The following SOX13 variants were observed in gnomAD, a reference collection of about 807,000 sequenced individuals.
The protein encoded by SOX13 is transcription factor SOX-13.
Under a neutral mutation model 71.8 loss-of-function variants are expected in SOX13, and 28 were observed. That is an observed-to-expected ratio of 0.39 (90% CI 0.29 to 0.53). The LOEUF (loss-of-function observed/expected upper bound fraction) is 0.53, where lower values mean the gene tolerates loss of function less well. Ranked by LOEUF, SOX13 falls within the 20% of genes least tolerant of loss-of-function variation. SOX13 has a pLI of 0.70. For missense variants in SOX13, 627 were observed against 810.3 expected (o/e 0.77, Z 2.75); for synonymous variants, 309 against 317.8 (o/e 0.97, Z 0.29).
At position 204,121,956 on chromosome 1, in the gene SOX13, G is replaced by A. The variant is rs1044321748; in HGVS notation, c.832G>A (p.Gly278Arg). The change falls in exon 8 of 14, where the codon GGG (glycine) becomes AGG (arginine). Residue 278 changes from glycine to arginine, a missense_variant. Physicochemically the swap from Gly to Arg is moderately radical, Grantham distance 125. Around this residue, in one of 3 missense-constraint regions of SOX13, gnomAD observed 447 missense variants for 532.2 expected, o/e 0.84. Transcript: ENST00000367204. ...CCCTGCCCCAGTGGTGAAGAGGCCT[G>A]GGGCCATGGCCACCCACCACCCCCT... is the stretch of plus-strand genomic sequence containing the variant. ...SPPAPVVKRPGAMATHHPLQE... is the reference protein window; with the variant it reads ...SPPAPVVKRPRAMATHHPLQE... 1.2e-6 allele frequency: 2 copies of A among 1,611,278 alleles called. No homozygotes were observed. Among genetic ancestry groups the A allele is most frequent in the African/African-American group, 1.3e-5 (1 of 74,946 alleles).
Position 204,123,975 on chromosome 1 carries a change from TTA to T in SOX13, c.1375+175_1375+176del, listed in dbSNP as rs571281638. Among the ~76,000 whole-genome samples the T allele has an allele frequency of 1.8e-3, 274 of 152,292 alleles. 2 individuals are homozygous for T. Among genetic ancestry groups the T allele is most frequent in the Non-Finnish European group, 3.1e-3 (212 of 68,020 alleles). ...GTGAGGGCAGCTGGGTCCTGGGGTC[TTA>T]TATCACTGAAGTGTTCGGTAGCACC... On this transcript the variant is annotated intron_variant, in intron 12 of 13. Coordinates refer to ENST00000367204, the MANE Select transcript of SOX13 (RefSeq NM_005686.3). This position sits in a 1 kb window ranked among gnomAD's most constrained non-coding sequence, Gnocchi z 5.0.
rs778840964 is a variant in SOX13, at chr1:204,112,901, T to C, written c.-1-14T>C. ...ACTGGGGACTCACCTCAGCTCACTC[T>C]GTCCCTCCCCCAGGATGTCCATGAG... On this transcript the variant is annotated splice_polypyrimidine_tract_variant and intron_variant, in intron 1 of 13. Transcript: ENST00000367204. 3 of 1,609,378 alleles carry C rather than the reference T, an allele frequency of 1.9e-6. No homozygotes were observed. Among genetic ancestry groups the C allele is most frequent in the Non-Finnish European group, 2.5e-6 (3 of 1,176,908 alleles).
In SOX13 at chr1:204,126,514, A is replaced by ATTTTTTATT; in HGVS notation, c.*380_*381insTTTTTTATT. The ATTTTTTATT allele has an allele frequency of 3.9e-6, 1 of 258,818 alleles. No homozygotes were observed. Among genetic ancestry groups the ATTTTTTATT allele is most frequent in the South Asian group, 6.1e-5 (1 of 16,392 alleles). The allele number at this position is 258,818 out of a possible 1,614,324, so 16.0% of individuals were successfully genotyped here. A position where few individuals can be genotyped will look rare whatever the true frequency, so the allele number is the denominator to read the frequency against. On this transcript the variant is annotated 3_prime_UTR_variant, in exon 14 of 14. Coordinates refer to ENST00000367204, the MANE Select transcript of SOX13 (RefSeq NM_005686.3). The stretch of plus-strand genomic sequence containing the variant: ...TTTCCATTCTTGTCCTGGCTGGACC[A>ATTTTTTATT]GCCACTGTGGGACCAACACCCCTCC...
chr1:204,122,235 A>T lies in SOX13; in HGVS notation c.862-2A>T. On this transcript the variant is annotated splice_acceptor_variant, in intron 8 of 13. Transcript: ENST00000367204. LOFTEE classifies it high-confidence loss of function. ...TCCTCTGACCTGCTGGGTCTCCCTC[A>T]GGAGCCCTCCCAGCCCCTGAACCTC... 1 of 1,572,612 alleles carries T rather than the reference A, an allele frequency of 6.4e-7. No individual in the cohort carries two copies. The highest frequency in any genetic ancestry group is 1.4e-5 in the African/African-American group (1 of 73,488).
intron 1 of SOX13, among the ~76,000 whole-genome samples, chr1:204,083,159 T>G (rs1462392469): frequency 2.0e-5 from 3 of 152,006 alleles, no homozygotes; most frequent in African/African-American, 4.8e-5. Flanking sequence ...GTGTGTGTAG[T>G]GGGGAAGGGG....
At chr1:204,116,917 C>G (rs1380075417) in intron 5 of SOX13, among the ~76,000 whole-genome samples, 1 of 152,156 alleles carries the variant, frequency 6.6e-6, no homozygotes, top group Non-Finnish European at 1.5e-5. Context: ...CTTGCAGCTT[C>G]CTGCCCAGCC....
intron 8 of SOX13, 43 bp from the exon 9 acceptor site, chr1:204,122,191 TGTC>T: frequency 6.8e-7 from 1 of 1,472,916 alleles, no homozygotes; most frequent in Non-Finnish European, 9.2e-7. Context: ...GCTGTGGGAG[TGTC>T]CTTTGGTGTC....
Position 204,081,248 on chromosome 1 carries a change from T to C in SOX13, c.-2+7537T>C, listed in dbSNP as rs1189716333. ...TCTTTTTTTTAAAGATCGTGGCTCA[T>C]ATTCGTTTTCTTATTTCTGTAGTCT... On this transcript the variant is annotated intron_variant, in intron 1 of 13. Coordinates refer to ENST00000367204, the MANE Select transcript of SOX13 (RefSeq NM_005686.3). This position sits in a 1 kb window ranked among gnomAD's most constrained non-coding sequence, Gnocchi z 4.3. 6.6e-6 allele frequency among the ~76,000 whole-genome samples: 1 copy of C among 150,812 alleles called. No individual in the cohort carries two copies. Among genetic ancestry groups the C allele is most frequent in the African/African-American group, 2.4e-5 (1 of 41,264 alleles).
intron 1 of SOX13, among the ~76,000 whole-genome samples, chr1:204,085,903 C>G (rs1656007569): frequency 1.3e-5 from 2 of 151,494 alleles, no homozygotes; most frequent in Admixed American, 6.6e-5. Flanking sequence ...TGGTGTGAAC[C>G]CGGGAGGCGG....
At position 204,116,674 on chromosome 1, in the gene SOX13, G is replaced by C. The variant is rs757809525; in HGVS notation, c.586G>C (p.Glu196Gln). Residue 196 changes from glutamate (E) to glutamine (Q), a missense_variant, in exon 5 of 14, where the codon GAG becomes CAG. Physicochemically the swap from Glu to Gln is conservative, Grantham distance 29. This residue lies in a region of SOX13 where 447 missense variants were observed against 532.2 expected (regional missense o/e 0.84). Coordinates refer to ENST00000367204, the MANE Select transcript of SOX13 (RefSeq NM_005686.3). The stretch of plus-strand genomic sequence containing the variant: ...GATGGAGCTTGCCCGGCAGCAGCAG[G>C]AGCAGGTAGGTCCTGTTCGGTGGGT... ...QQMELARQQQ[E>Q]QIAKQQQQLI... is the part of the protein sequence containing the mutation. 2 of 1,613,590 alleles carry C rather than the reference G, an allele frequency of 1.2e-6. No individual in the cohort carries two copies. Among genetic ancestry groups the C allele is most frequent in the Non-Finnish European group, 1.7e-6 (2 of 1,179,838 alleles).
At chr1:204,105,645 A>T (rs1179512693) in intron 1 of SOX13, among the ~76,000 whole-genome samples, 1 of 152,124 alleles carries the variant, frequency 6.6e-6, no homozygotes, top group Admixed American at 6.5e-5. Context: ...ACCTCAGGTG[A>T]TCAACCCGCC....
chr1:204,097,755 A>G lies in SOX13; in HGVS notation c.-1-15160A>G, dbSNP rs958511324. 1.2e-4 allele frequency among the ~76,000 whole-genome samples: 18 copies of G among 151,896 alleles called. No individual in the cohort carries two copies. The East Asian group carries it at 3.5e-3, about 29-fold the overall frequency. ...TTGCTTATGAATGAAAAACAAAACC[A>G]CCTTCAGAAAAAAAGATTTGATAGA... On this transcript the variant is annotated intron_variant, in intron 1 of 13. Coordinates refer to ENST00000367204, the MANE Select transcript of SOX13 (RefSeq NM_005686.3).
At position 204,084,493 on chromosome 1, in the gene SOX13, C is replaced by T. The variant is rs536963346; in HGVS notation, c.-2+10782C>T. ...CAGCAGCCTCCAGGGCTGCCAGGAC[C>T]AGGCAGGTGCTGGCAGGGGCTGCTG... On this transcript the variant is annotated intron_variant, in intron 1 of 13. Transcript: ENST00000367204. Among the ~76,000 whole-genome samples the T allele has an allele frequency of 4.9e-3, 745 of 152,258 alleles. 7 individuals carry two copies. Among genetic ancestry groups the T allele is most frequent in the Non-Finnish European group, 5.5e-3 (374 of 68,016 alleles).
chr1:204,084,721 C>T (rs768738235), intron 1 of SOX13, among the ~76,000 whole-genome samples: 1 of 152,160 alleles, frequency 6.6e-6, no homozygotes, highest in African/African-American at 2.4e-5. Flanking sequence ...CTCTCAGGCC[C>T]CGCCCAGAGA....
chr1:204,082,241 G>GGTGT (rs35526887), intron 1 of SOX13, among the ~76,000 whole-genome samples: 18 of 150,574 alleles, frequency 1.2e-4, no homozygotes, highest in African/African-American at 2.7e-4. Context: ...GGCCAGGTGT[G>GGTGT]GTGTGTGTGT....
rs537288480 is a variant in SOX13 at position 204,108,630 on chromosome 1, C to A, written c.-1-4285C>A. 2.6e-4 allele frequency among the ~76,000 whole-genome samples: 39 copies of A among 152,324 alleles called. 1 individual carries two copies. The South Asian group carries it at 7.7e-3, about 30-fold the overall frequency. ...AGTTGGGACAGAATGAAGGAGAGAC[C>A]CTTAGGACCCAAGTCCGGAGTGAGG... is the stretch of plus-strand genomic sequence containing the variant. On this transcript the variant is annotated intron_variant, in intron 1 of 13. Coordinates refer to ENST00000367204, the MANE Select transcript of SOX13 (RefSeq NM_005686.3).
Position 204,107,927 on chromosome 1 carries a change from C to T in SOX13, c.-1-4988C>T, listed in dbSNP as rs374469266. ...GACTGACACCTCTAAGCTGGCTTGG[C>T]TGGTCACCAGGAGCCATTGTCTTTG... On this transcript the variant is annotated intron_variant, in intron 1 of 13. Transcript: ENST00000367204. 3.9e-5 allele frequency among the ~76,000 whole-genome samples: 6 copies of T among 152,284 alleles called. No homozygotes were observed. In the East Asian group the frequency reaches 9.7e-4, roughly 25 times the overall value.
chr1:204,093,090 G>C (rs1656179588), intron 1 of SOX13, among the ~76,000 whole-genome samples: 1 of 152,198 alleles, frequency 6.6e-6, no homozygotes, highest in African/African-American at 2.4e-5. Context: ...GAGAGCTGCT[G>C]TCCCAAGTGT....
At chr1:204,120,454 G>T (rs1357178110) in intron 7 of SOX13, among the ~76,000 whole-genome samples, 1 of 152,240 alleles carries the variant, frequency 6.6e-6, no homozygotes, top group Non-Finnish European at 1.5e-5. Flanking sequence ...AAGGTCCCTT[G>T]CAAAAGCTGA....
Sources: gnomAD v4.1 joint callset for allele counts (sites outside exome capture counted in the v4.1 genomes callset) on GRCh38, gnomAD v4.1.1 for gene constraint, gnomAD v4.1.1 regional missense constraint, Gnocchi (gnomAD v3.1) non-coding constraint, MANE v1.5 for transcripts, NCBI Gene and HGNC (gene_info 2026-07-23, HGNC 2026-07-21) for gene names.